FNDC3B: variants seen among roughly 807,000 people sequenced by gnomAD.
FNDC3B encodes fibronectin type III domain containing 3B.
In FNDC3B, 12 loss-of-function variants were observed where a neutral mutation model predicts 151.5. The ratio of observed to expected loss-of-function variants is 0.08; its 90% CI spans 0.05 to 0.13. FNDC3B has a LOEUF of 0.13. Ranked by LOEUF, FNDC3B falls within the 10% of genes least tolerant of loss-of-function variation. The probability of loss-of-function intolerance (pLI) is 1.00; values close to 1 mark genes in which losing one functional copy is unlikely to be tolerated. For missense variants in FNDC3B, 1,214 were observed against 1,505.3 expected, an observed-to-expected ratio of 0.81 and a Z score of 3.20; for synonymous variants, 528 against 549.0, an observed-to-expected ratio of 0.96 and a Z score of 0.54.
At chr3:172,063,482 TGTCCTC>T (rs1238785850) in intron 1 of FNDC3B, among the ~76,000 whole-genome samples, 1 of 152,234 alleles carries the variant, frequency 6.6e-6, no homozygotes, top group Non-Finnish European at 1.5e-5. Context: ...CTGAGGACAG[TGTCCTC>T]CTCATGCATT....
intron 3 of FNDC3B, among the ~76,000 whole-genome samples, chr3:172,219,515 C>T (rs76933449): frequency 0.018 from 2,807 of 152,216 alleles, 35 homozygotes; most frequent in Middle Eastern, 0.048. Flanking sequence ...TAAGTAAATA[C>T]ACCTATTCAC....
chr3:172,125,324 CCCCAGTCCGGGT>C, intron 2 of FNDC3B, among the ~76,000 whole-genome samples: 1 of 138,352 alleles, frequency 7.2e-6, no homozygotes, highest in Admixed American at 6.8e-5. Flanking sequence ...TCTTCCGAAG[CCCCAGTCCGGGT>C]CACAGCAGCG....
intron 11 of FNDC3B, among the ~76,000 whole-genome samples, chr3:172,316,956 T>C (rs375552053): frequency 7.2e-5 from 11 of 152,272 alleles, no homozygotes; most frequent in African/African-American, 2.6e-4. Flanking sequence ...TCTTGCTGTG[T>C]CCTCCCATAA....
chr3:172,271,437 A>T (rs2108803868), intron 6 of FNDC3B, among the ~76,000 whole-genome samples: 1 of 152,354 alleles, frequency 6.6e-6, no homozygotes, highest in East Asian at 1.9e-4. Context: ...TTTTATAAAA[A>T]ACATCTTGAA....
At chr3:172,266,362 T>C (rs1163185737) in intron 6 of FNDC3B, among the ~76,000 whole-genome samples, 1 of 152,202 alleles carries the variant, frequency 6.6e-6, no homozygotes, top group Non-Finnish European at 1.5e-5. Context: ...CCCATAGAGA[T>C]GGGGTCTTGC....
At chr3:172,290,960 C>A (rs1730294733) in intron 7 of FNDC3B, among the ~76,000 whole-genome samples, 1 of 152,068 alleles carries the variant, frequency 6.6e-6, no homozygotes, top group Admixed American at 6.5e-5. Flanking sequence ...AAGGCCAGAG[C>A]AAATTTAGAA....
intron 17 of FNDC3B, among the ~76,000 whole-genome samples, chr3:172,341,947 A>G (rs1408140997): frequency 6.6e-6 from 1 of 152,266 alleles, no homozygotes; most frequent in Non-Finnish European, 1.5e-5. Context: ...TACACTCAGA[A>G]AAGTGAATGA....
intron 23 of FNDC3B, among the ~76,000 whole-genome samples, chr3:172,373,126 C>T (rs752420145): frequency 6.6e-5 from 10 of 152,308 alleles, no homozygotes; most frequent in South Asian, 4.2e-4. Context: ...TCGTGGAGTG[C>T]ATCCCTATTT....
intron 23 of FNDC3B, among the ~76,000 whole-genome samples, chr3:172,369,281 A>G (rs1734770721): frequency 6.6e-6 from 1 of 152,202 alleles, no homozygotes; most frequent in African/African-American, 2.4e-5. Context: ...TTAGTAGGCA[A>G]ATAGAAATTT....
chr3:172,202,460 C>T (rs972098590), intron 3 of FNDC3B, among the ~76,000 whole-genome samples: 6 of 152,180 alleles, frequency 3.9e-5, no homozygotes, highest in African/African-American at 1.4e-4. Context: ...CAGAGAACTA[C>T]ACATGATAGT....
chr3:172,238,800 C>T (rs1451000287), intron 4 of FNDC3B, among the ~76,000 whole-genome samples: 1 of 152,168 alleles, frequency 6.6e-6, no homozygotes, highest in Non-Finnish European at 1.5e-5. Flanking sequence ...AATAAAACTG[C>T]TCAGCCTCCT....
At chr3:172,328,877 C>T in intron 11 of FNDC3B, 75 bp from the exon 12 acceptor site, 2 of 1,173,026 alleles carry the variant, frequency 1.7e-6, no homozygotes, top group Non-Finnish European at 2.3e-6. Context: ...GTTCAAGATG[C>T]TCCTTCATTT....
chr3:172,310,350 C>G (rs928103565), intron 10 of FNDC3B, among the ~76,000 whole-genome samples: 1 of 152,138 alleles, frequency 6.6e-6, no homozygotes, highest in Non-Finnish European at 1.5e-5. Flanking sequence ...AAAAGAGGAA[C>G]CTTAATGTCG....
At chr3:172,047,362 G>A (rs915377349) in intron 1 of FNDC3B, among the ~76,000 whole-genome samples, 1 of 152,158 alleles carries the variant, frequency 6.6e-6, no homozygotes, top group African/African-American at 2.4e-5. Flanking sequence ...TAGCTAATTA[G>A]GGATTTGCAA....
At chr3:172,333,488 ATTTTTTTTTTT>A (rs748224819) in intron 14 of FNDC3B, among the ~76,000 whole-genome samples, 51 of 102,832 alleles carry the variant, frequency 5.0e-4, no homozygotes, top group South Asian at 2.2e-3. Context: ...TGCCCGGCTA[ATTTTTTTTTTT>A]TTTTTTTTTT....
chr3:172,328,975 A>T lies in FNDC3B; in HGVS notation c.1278A>T (p.Arg426Ser), dbSNP rs1227058335. ...AGGGAAAAAGAAATAGTGGTTTCAG[A>T]CAGTGCTTCTTCGGGAGCCAGAAGC... ...WDEGKRNSGF[R>S]QCFFGSQKHC... The change falls in exon 12 of 26, where the codon AGA (arginine) becomes AGT (serine). Residue 426 changes from arginine (R) to serine (S), a missense_variant. By Grantham distance (110) the Arg-to-Ser change is moderately radical (BLOSUM62 -1). Transcript: ENST00000415807. The T allele has an allele frequency of 6.2e-7, 1 of 1,612,600 alleles. No individual in the cohort carries two copies. Among genetic ancestry groups the T allele is most frequent in the South Asian group, 1.1e-5 (1 of 90,950 alleles).
intron 1 of FNDC3B, among the ~76,000 whole-genome samples, chr3:172,063,510 G>C (rs1717322349): frequency 6.6e-6 from 1 of 152,118 alleles, no homozygotes; most frequent in Non-Finnish European, 1.5e-5. Context: ...CTGTGACGAG[G>C]AATCTGCACT....
Position 172,185,629 on chromosome 3 carries a change from AT to A in FNDC3B, c.188-41240del, listed in dbSNP as rs145528513. Among the ~76,000 whole-genome samples, 222 of 152,310 alleles carry A rather than the reference AT, an allele frequency of 1.5e-3. 2 individuals are homozygous for A. Among genetic ancestry groups the A allele is most frequent in the African/African-American group, 5.2e-3 (217 of 41,564 alleles). Reference sequence around the variant, plus strand: ...TTTAAAAACTTAAAAGCAAAACTTAATTCCTTGCTGTTTGCAATATGTCATG... The same window carrying A: ...TTTAAAAACTTAAAAGCAAAACTTAATCCTTGCTGTTTGCAATATGTCATG... On this transcript the variant is annotated intron_variant, in intron 3 of 25. Transcript: ENST00000415807.
At chr3:172,385,429 T>C (rs1401713332) in intron 25 of FNDC3B, among the ~76,000 whole-genome samples, 1 of 152,178 alleles carries the variant, frequency 6.6e-6, no homozygotes, top group Non-Finnish European at 1.5e-5. Flanking sequence ...AAATGTTTCC[T>C]GCATGCATGA....
Sources: allele counts gnomAD v4.1 joint callset (sites outside exome capture counted in the v4.1 genomes callset), GRCh38; gene constraint gnomAD v4.1.1; transcripts MANE v1.5; gene names NCBI Gene and HGNC (gene_info 2026-07-23, HGNC 2026-07-21).